OCA2: variants seen among roughly 807,000 people sequenced by gnomAD.
OCA2 encodes the protein OCA2 melanosomal transmembrane protein.
In OCA2, 77 loss-of-function variants were observed where a neutral mutation model predicts 100.2. The observed-to-expected ratio is 0.77, with a 90% CI of 0.64 to 0.93. The LOEUF is 0.93. Among genes scored for constraint, OCA2 ranks in the 40% least tolerant of loss-of-function variants. The pLI is 0.00. For missense variants in OCA2, 1,062 were observed against 1,089.1 expected (o/e 0.98, Z 0.35); for synonymous variants, 432 against 439.2 (o/e 0.98, Z 0.21).
At chr15:27,791,096 T>A (rs1033147905) in intron 23 of OCA2, among the ~76,000 whole-genome samples, 1 of 152,148 alleles carries the variant, frequency 6.6e-6, no homozygotes, top group African/African-American at 2.4e-5. Context: ...GCCCTGATTT[T>A]TTTTTTAATA....
chr15:27,876,022 T>C (rs376076850), intron 19 of OCA2, among the ~76,000 whole-genome samples: 26 of 152,198 alleles, frequency 1.7e-4, no homozygotes, highest in African/African-American at 6.0e-4. Context: ...CTTTATATTG[T>C]CATATTACAA....
In OCA2 at chr15:27,896,956, C is replaced by T. The variant is rs945672326; in HGVS notation, c.2080-25034G>A. On this transcript the variant is annotated intron_variant, in intron 19 of 23. Coordinates refer to ENST00000354638, the MANE Select transcript of OCA2 (RefSeq NM_000275.3). ...CTATAATCCCAGCACTCTGGGGGGC[C>T]GAGGTGGGCGGATTACGAGGTCAGG... Among the ~76,000 whole-genome samples, 7 of 152,172 alleles carry T rather than the reference C, an allele frequency of 4.6e-5. No homozygotes were observed. The East Asian group carries it at 9.7e-4, about 21-fold the overall frequency.
chr15:28,039,641 G>A (rs2043144665), intron 2 of OCA2, among the ~76,000 whole-genome samples: 1 of 152,196 alleles, frequency 6.6e-6, no homozygotes, highest in Non-Finnish European at 1.5e-5. Flanking sequence ...ACCCCACAAT[G>A]TGTGAATGTG....
chr15:28,045,145 T>C (rs2043311676), intron 2 of OCA2, among the ~76,000 whole-genome samples: 1 of 152,226 alleles, frequency 6.6e-6, no homozygotes, highest in Admixed American at 6.5e-5. Context: ...ATTAATTATT[T>C]TGTATGATTC....
chr15:27,964,260 A>C (rs1041156559), intron 15 of OCA2, among the ~76,000 whole-genome samples: 4 of 152,252 alleles, frequency 2.6e-5, no homozygotes, highest in Non-Finnish European at 5.9e-5. Flanking sequence ...CAAAAAAGAC[A>C]TTACAAGAAA....
At chr15:27,798,074 C>T (rs1269788009) in intron 23 of OCA2, among the ~76,000 whole-genome samples, 1 of 152,228 alleles carries the variant, frequency 6.6e-6, no homozygotes, top group African/African-American at 2.4e-5. Flanking sequence ...CATGCCGTCG[C>T]TAGGCAAGCA....
intron 9 of OCA2, among the ~76,000 whole-genome samples, chr15:28,003,084 G>C (rs1456768038): frequency 6.6e-6 from 1 of 152,348 alleles, no homozygotes; most frequent in South Asian, 2.1e-4. Flanking sequence ...GCGGGTCCGC[G>C]TCAGCCACGC....
chr15:28,030,932 ATGT>A (rs901781039), intron 3 of OCA2, among the ~76,000 whole-genome samples: 97 of 152,298 alleles, frequency 6.4e-4, no homozygotes, highest in Non-Finnish European at 4.4e-4. Flanking sequence ...GTTTTGTAAA[ATGT>A]TGTAAAAGAC....
At chr15:27,883,080 C>T (rs1031322522) in intron 19 of OCA2, among the ~76,000 whole-genome samples, 13 of 152,260 alleles carry the variant, frequency 8.5e-5, no homozygotes, top group African/African-American at 3.1e-4. Context: ...GCTTCTTTGG[C>T]TCTCTCTTCT....
chr15:27,989,660 T>A lies in OCA2; in HGVS notation c.1123A>T (p.Ser375Cys). The change falls in exon 11 of 24, where the codon AGC becomes TGC. Residue 375 changes from serine to cysteine, a missense_variant. Coordinates refer to ENST00000354638, the MANE Select transcript of OCA2 (RefSeq NM_000275.3). ...AALAVIGDRP[S>C]LTHVVEWIDF... ...ATCCACTCCACCACATGGGTCAGGC[T>A]GGGTCTCTGCAATCAAAGCACAAAT... 1 of 1,614,076 alleles carries A rather than the reference T, an allele frequency of 6.2e-7. No individual in the cohort carries two copies. Among genetic ancestry groups the A allele is most frequent in the Non-Finnish European group, 8.5e-7 (1 of 1,179,978 alleles).
chr15:27,980,623 T>C (rs2041129152), intron 14 of OCA2, among the ~76,000 whole-genome samples: 1 of 152,216 alleles, frequency 6.6e-6, no homozygotes, highest in Non-Finnish European at 1.5e-5. Flanking sequence ...GTCTGTTTTT[T>C]GTACATAAGA....
intron 1 of OCA2, among the ~76,000 whole-genome samples, chr15:28,083,308 T>C (rs1051400602): frequency 2.6e-5 from 4 of 152,164 alleles, no homozygotes; most frequent in Non-Finnish European, 4.4e-5. Flanking sequence ...ACTTCAAATA[T>C]AGAAAAACAT....
intron 11 of OCA2, among the ~76,000 whole-genome samples, 181 bp downstream of exon 11, chr15:27,989,420 C>A (rs1227199645): frequency 2.6e-5 from 4 of 152,176 alleles, no homozygotes; most frequent in Admixed American, 2.6e-4. Flanking sequence ...TTCTCCCGCC[C>A]ACGAACCATA....
At chr15:27,750,646 A>T (rs1308368686), downstream of OCA2, among the ~76,000 whole-genome samples, 1 of 152,196 alleles carries the variant, frequency 6.6e-6, no homozygotes, top group African/African-American at 2.4e-5. Flanking sequence ...TGTCCTTTGG[A>T]GACTGTTGCT....
At chr15:27,966,911 C>G (rs993416131) in intron 14 of OCA2, 89 bp from the exon 15 acceptor site, 52 of 1,428,212 alleles carry the variant, frequency 3.6e-5, no homozygotes, top group Non-Finnish European at 4.8e-5. Context: ...GGGTGGATCA[C>G]GAGGTCCGGA....
chr15:27,753,145 G>T (rs932966438), downstream of OCA2, among the ~76,000 whole-genome samples: 15 of 152,096 alleles, frequency 9.9e-5, no homozygotes, highest in Non-Finnish European at 1.5e-4. Context: ...GAGTTGACAG[G>T]GGAATTTAAA....
chr15:27,870,045 A>G (rs2036482103), intron 21 of OCA2, among the ~76,000 whole-genome samples: 1 of 152,210 alleles, frequency 6.6e-6, no homozygotes, highest in Admixed American at 6.5e-5. Flanking sequence ...GGCAGAAACT[A>G]AATTCCAGGC....
At chr15:27,913,899 GCA>G (rs2038548698) in intron 19 of OCA2, among the ~76,000 whole-genome samples, 2 of 32,824 alleles carry the variant, frequency 6.1e-5, no homozygotes, top group African/African-American at 3.3e-4. Context: ...AAGAAAGCAA[GCA>G]AGCAAGCAAG....
At chr15:28,074,418 T>TAATC (rs796924279) in intron 2 of OCA2, among the ~76,000 whole-genome samples, 4 of 151,974 alleles carry the variant, frequency 2.6e-5, no homozygotes, top group African/African-American at 9.6e-5. Context: ...CTCACGCCTG[T>TAATC]AATCCCAGCA....
Sources: gnomAD v4.1 joint callset for allele counts (sites outside exome capture counted in the v4.1 genomes callset) on GRCh38, gnomAD v4.1.1 for gene constraint, MANE v1.5 for transcripts, NCBI Gene and HGNC (gene_info 2026-07-23, HGNC 2026-07-21) for gene names.